The following ATP2C1 variants were observed in gnomAD, a reference collection of about 807,000 sequenced individuals.
The protein encoded by ATP2C1 is calcium-transporting ATPase type 2C member 1.
A neutral mutation model predicts 120.5 loss-of-function variants in ATP2C1; 31 were observed. The ratio of observed to expected loss-of-function variants is 0.26; its 90% CI spans 0.19 to 0.35. The LOEUF (loss-of-function observed/expected upper bound fraction) is 0.35, where lower values mean the gene tolerates loss of function less well. Ranked by LOEUF, ATP2C1 falls within the 10% of genes least tolerant of loss-of-function variation. The probability of loss-of-function intolerance (pLI) is 1.00; values close to 1 mark genes in which losing one functional copy is unlikely to be tolerated. For synonymous variants in ATP2C1, 351 were observed against 358.7 expected (o/e 0.98, Z 0.24); for missense variants, 731 against 1,107.5 (o/e 0.66, Z 4.83).
chr3:130,985,547 A>T (rs1226207206), intron 20 of ATP2C1, among the ~76,000 whole-genome samples: 1 of 152,036 alleles, frequency 6.6e-6, no homozygotes, highest in Non-Finnish European at 1.5e-5. Context: ...AGGCAGGAGA[A>T]TCGCTTGAAC....
chr3:130,955,549 T>C (rs1012795165), intron 10 of ATP2C1, among the ~76,000 whole-genome samples: 1 of 152,180 alleles, frequency 6.6e-6, no homozygotes, highest in Non-Finnish European at 1.5e-5. Context: ...TTTCTTATTA[T>C]AAAAAGAAGC....
At chr3:130,994,164 TA>T in intron 22 of ATP2C1, 66 bp downstream of exon 22, 1 of 1,576,228 alleles carries the variant, frequency 6.3e-7, no homozygotes, top group Non-Finnish European at 8.7e-7. Flanking sequence ...CCCCCACCCC[TA>T]GAGAATTCAA....
intron 11 of ATP2C1, among the ~76,000 whole-genome samples, chr3:130,957,857 C>T (rs968086674): frequency 2.6e-5 from 4 of 152,112 alleles, no homozygotes; most frequent in African/African-American, 9.7e-5. Context: ...AGCAATATTT[C>T]TGTTAATACA....
chr3:130,882,358 C>T (rs180833649), intron 1 of ATP2C1, among the ~76,000 whole-genome samples: 2 of 152,012 alleles, frequency 1.3e-5, no homozygotes, highest in African/African-American at 4.8e-5. Context: ...CACCACCACA[C>T]CTGGCTAATT....
intron 18 of ATP2C1, among the ~76,000 whole-genome samples, chr3:130,976,720 G>C (rs1000926225): frequency 4.6e-5 from 7 of 152,080 alleles, no homozygotes; most frequent in Admixed American, 6.5e-5. Context: ...CAAGCTTTCT[G>C]GACCCCTGAA....
At chr3:130,968,809 A>G (rs1309925159) in intron 16 of ATP2C1, among the ~76,000 whole-genome samples, 1 of 152,128 alleles carries the variant, frequency 6.6e-6, no homozygotes, top group Non-Finnish European at 1.5e-5. Flanking sequence ...TGCAAACGCT[A>G]TTAGGAGGGA....
chr3:131,006,338 C>T (rs1343263058), downstream of ATP2C1, among the ~76,000 whole-genome samples: 3 of 152,158 alleles, frequency 2.0e-5, no homozygotes, highest in Non-Finnish European at 4.4e-5. Flanking sequence ...TCTCGAATTC[C>T]TGACCTCAGG....
intron 22 of ATP2C1, among the ~76,000 whole-genome samples, chr3:130,995,273 G>T (rs1301435184): frequency 6.6e-6 from 1 of 152,030 alleles, no homozygotes; most frequent in East Asian, 1.9e-4. Flanking sequence ...AAAATAGCTG[G>T]GAGTGGTGAT....
chr3:130,956,544 A>G (rs2060588978), intron 11 of ATP2C1, among the ~76,000 whole-genome samples: 2 of 151,700 alleles, frequency 1.3e-5, no homozygotes, highest in South Asian at 2.1e-4. Flanking sequence ...ATAGTTTTCT[A>G]TTTTGTGGGA....
Position 131,003,040 on chromosome 3 carries a change from G to A in ATP2C1, c.*1690G>A, listed in dbSNP as rs904703111. 10 of 985,490 alleles carry A rather than the reference G, an allele frequency of 1.0e-5. No individual in the cohort carries two copies. In the African/African-American group the frequency reaches 1.4e-4, roughly 14 times the overall value. The allele number at this position is 985,490 out of a possible 1,614,324, so 61.0% of individuals were successfully genotyped here. ...GACTTGAAATACGTATTAAATGCAC[G>A]TTAATGTTTTGCTTTGCATTTTAGG... On this transcript the variant is annotated 3_prime_UTR_variant, in exon 28 of 28. Transcript: ENST00000510168.
chr3:130,943,981 T>A (rs1294104004), intron 8 of ATP2C1, among the ~76,000 whole-genome samples: 1 of 152,220 alleles, frequency 6.6e-6, no homozygotes, highest in Non-Finnish European at 1.5e-5. Context: ...TTTGTAAGGC[T>A]AGCTGGTCAT....
At position 130,997,811 on chromosome 3, in the gene ATP2C1, CTTAG is replaced by C. The variant is rs140824524; in HGVS notation, c.2391+62_2391+65del. 8,535 of 1,589,262 alleles carry C rather than the reference CTTAG, an allele frequency of 5.4e-3. 376 individuals are homozygous for C. In the African/African-American group the frequency reaches 0.096, roughly 18 times the overall value. ...TGAATTCTGTATATCTGATAGGATTCTTAGTTATTTTGATGGGTTACCCAGAAGG... is the reference window on the plus strand; with the variant it reads ...TGAATTCTGTATATCTGATAGGATTCTTATTTTGATGGGTTACCCAGAAGG... On this transcript the variant is annotated intron_variant, in intron 25 of 27. Transcript: ENST00000510168.
chr3:130,992,921 A>C, intron 20 of ATP2C1, 30 bp from the exon 21 acceptor site: 1 of 1,574,542 alleles, frequency 6.4e-7, no homozygotes, highest in Non-Finnish European at 8.7e-7. Context: ...TTAATATTGA[A>C]GATTTTTAGT....
Position 130,894,379 on chromosome 3 carries a change from T to G in ATP2C1, c.-181+42T>G. ...CCTCCTGCCCCCATTTCTAGAAACT[T>G]CCAGGTTCTGAAGGAAGGGGAGGTT... On this transcript the variant is annotated intron_variant, in intron 1 of 27. Coordinates refer to ENST00000510168, the MANE Select transcript of ATP2C1 (RefSeq NM_001378687.1). This position sits in a 1 kb window ranked among gnomAD's most constrained non-coding sequence, Gnocchi z 4.5. 1 of 1,122,318 alleles carries G rather than the reference T, an allele frequency of 8.9e-7. No homozygotes were observed. Among genetic ancestry groups the G allele is most frequent in the African/African-American group, 1.6e-5 (1 of 61,686 alleles). 69.5% of individuals were successfully genotyped at this position (1,122,318 alleles called of 1,614,324 possible).
In ATP2C1 at chr3:130,941,759, C is replaced by G. The variant is rs1056974774; in HGVS notation, c.531+60C>G. The G allele has an allele frequency of 1.5e-5, 20 of 1,312,292 alleles. No individual in the cohort carries two copies. The African/African-American group carries it at 2.9e-4, about 19-fold the overall frequency. 81.3% of individuals were successfully genotyped at this position (1,312,292 alleles called of 1,614,324 possible). A position where few individuals can be genotyped will look rare whatever the true frequency, so the allele number is the denominator to read the frequency against. On this transcript the variant is annotated intron_variant, in intron 8 of 27. Coordinates refer to ENST00000510168, the MANE Select transcript of ATP2C1 (RefSeq NM_001378687.1). The stretch of plus-strand genomic sequence containing the variant: ...ACGTGGATGTAGATTAAAGGATAAA[C>G]ATTACTAGTTTTAAGGAATTAACAC...
At chr3:130,996,159 A>G (rs141102015) in intron 23 of ATP2C1, 48 bp downstream of exon 23, 112 of 1,321,780 alleles carry the variant, frequency 8.5e-5, no homozygotes, top group Admixed American at 3.4e-4. Flanking sequence ...GATAAATTAT[A>G]TGAAAAGTAG....
chr3:130,872,861 G>A (rs1369496244), intron 1 of ATP2C1, among the ~76,000 whole-genome samples: 1 of 152,116 alleles, frequency 6.6e-6, no homozygotes, highest in Non-Finnish European at 1.5e-5. Context: ...GGGATTACAG[G>A]TGTGAGCCAC....
In ATP2C1 at chr3:130,894,447, C is replaced by G; in HGVS notation, c.-181+110C>G. ...GGGGGGCATCTCTAGGGCGCCGCCC[C>G]GCTGGCGTGAGCTGGGGACGTTGCG... On this transcript the variant is annotated intron_variant, in intron 1 of 27. Transcript: ENST00000510168. The surrounding 1 kb of genome is among the most constrained non-coding windows in gnomAD (Gnocchi z 4.5). 5 of 1,316,086 alleles carry G rather than the reference C, an allele frequency of 3.8e-6. No homozygotes were observed. Among genetic ancestry groups the G allele is most frequent in the South Asian group, 1.6e-5 (1 of 60,758 alleles). The allele number at this position is 1,316,086 out of a possible 1,614,324, so 81.5% of individuals were successfully genotyped here. A position where few individuals can be genotyped will look rare whatever the true frequency, so the allele number is the denominator to read the frequency against.
intron 2 of ATP2C1, among the ~76,000 whole-genome samples, chr3:130,915,374 A>G (rs989947265): frequency 3.3e-5 from 5 of 152,276 alleles, no homozygotes; most frequent in African/African-American, 1.2e-4. Flanking sequence ...AATTACAGGT[A>G]TGAGCTACTG....
Sources: gnomAD v4.1 joint callset for allele counts (sites outside exome capture counted in the v4.1 genomes callset) on GRCh38, gnomAD v4.1.1 for gene constraint, Gnocchi (gnomAD v3.1) non-coding constraint, MANE v1.5 for transcripts, NCBI Gene and HGNC (gene_info 2026-07-23, HGNC 2026-07-21) for gene names.